Variants in SGCZ observed in about 807,000 individuals in gnomAD.
SGCZ encodes sarcoglycan zeta.
Under a neutral mutation model 41.3 loss-of-function variants are expected in SGCZ, and 40 were observed. That is an observed-to-expected ratio of 0.97 (90% CI 0.75 to 1.26). The LOEUF (loss-of-function observed/expected upper bound fraction) is 1.26, where lower values mean the gene tolerates loss of function less well. SGCZ is among the 50% of genes most tolerant of loss of function. The pLI is 0.00. For synonymous variants in SGCZ, 206 were observed against 137.5 expected (o/e 1.50, Z -3.49); for missense variants, 552 against 369.8 (o/e 1.49, Z -4.04).
chr8:14,165,989 A>G (rs1426716415), intron 4 of SGCZ, among the ~76,000 whole-genome samples: 3 of 152,152 alleles, frequency 2.0e-5, no homozygotes, highest in Non-Finnish European at 4.4e-5. Context: ...GCTGAGGAGC[A>G]TTCATCAAGA....
chr8:15,228,094 A>T (rs1018119618), intron 1 of SGCZ, among the ~76,000 whole-genome samples: 2 of 152,254 alleles, frequency 1.3e-5, no homozygotes, highest in African/African-American at 4.8e-5. Flanking sequence ...TTTTAAAGTC[A>T]GTTGTGTTTT....
chr8:14,956,579 C>G (rs1800799406), intron 1 of SGCZ, among the ~76,000 whole-genome samples: 1 of 151,758 alleles, frequency 6.6e-6, no homozygotes, highest in South Asian at 2.1e-4. Context: ...AAGAGACAGA[C>G]AAAAACACAA....
chr8:14,366,274 A>G (rs1441490370), intron 2 of SGCZ, among the ~76,000 whole-genome samples: 3 of 152,154 alleles, frequency 2.0e-5, no homozygotes, highest in Admixed American at 6.6e-5. Flanking sequence ...GAAACTTACA[A>G]TCAGAGCAGA....
intron 4 of SGCZ, among the ~76,000 whole-genome samples, chr8:14,225,940 C>T (rs894305548): frequency 3.3e-5 from 5 of 152,130 alleles, no homozygotes; most frequent in Admixed American, 2.0e-4. Flanking sequence ...AAGTTACACA[C>T]GTATCATAGA....
intron 1 of SGCZ, among the ~76,000 whole-genome samples, chr8:14,719,689 T>G (rs936079988): frequency 5.3e-5 from 8 of 152,074 alleles, no homozygotes; most frequent in Admixed American, 4.6e-4. Context: ...TTGCCCACTT[T>G]TTGATGGGGT....
intron 1 of SGCZ, among the ~76,000 whole-genome samples, chr8:14,944,551 A>G (rs756868019): frequency 2.6e-5 from 4 of 152,226 alleles, no homozygotes; most frequent in Non-Finnish European, 5.9e-5. Flanking sequence ...TTAAAAATGT[A>G]AATAAAATCC....
chr8:14,451,205 A>G (rs1048010055), intron 2 of SGCZ, among the ~76,000 whole-genome samples: 5 of 152,220 alleles, frequency 3.3e-5, no homozygotes, highest in Non-Finnish European at 5.9e-5. Flanking sequence ...TTGAAGAGTG[A>G]TGAAAACAAA....
intron 2 of SGCZ, among the ~76,000 whole-genome samples, chr8:14,518,543 T>G (rs1391573478): frequency 6.6e-6 from 1 of 152,150 alleles, no homozygotes; most frequent in Non-Finnish European, 1.5e-5. Context: ...ACATTAAAAT[T>G]TATTGTGAAA....
intron 4 of SGCZ, among the ~76,000 whole-genome samples, chr8:14,236,640 C>A (rs938064461): frequency 2.0e-5 from 3 of 151,510 alleles, no homozygotes; most frequent in African/African-American, 7.2e-5. Flanking sequence ...TTCTCTTTCC[C>A]TCTTTCTCAT....
chr8:14,600,195 C>A (rs754692728), intron 1 of SGCZ, among the ~76,000 whole-genome samples: 1 of 152,118 alleles, frequency 6.6e-6, no homozygotes, highest in Non-Finnish European at 1.5e-5. Context: ...TATTCTGCCT[C>A]CCTGCCTTGT....
intron 2 of SGCZ, among the ~76,000 whole-genome samples, chr8:14,417,470 G>C (rs1363046438): frequency 6.6e-6 from 1 of 151,072 alleles, no homozygotes; most frequent in East Asian, 1.9e-4. Flanking sequence ...TATTATTTTT[G>C]TTCATCAGTT....
At chr8:14,561,068 T>A (rs867104289) in intron 1 of SGCZ, among the ~76,000 whole-genome samples, 1 of 152,054 alleles carries the variant, frequency 6.6e-6, no homozygotes, top group African/African-American at 2.4e-5. Context: ...AATCTGAGTG[T>A]TTTTCAAGAT....
At chr8:14,144,742 G>A (rs1487429028) in intron 5 of SGCZ, among the ~76,000 whole-genome samples, 1 of 152,158 alleles carries the variant, frequency 6.6e-6, no homozygotes, top group South Asian at 2.1e-4. Context: ...GGCCAGAGGG[G>A]AGCCTATTGC....
At chr8:14,156,495 GTTCT>G (rs1226389463) in intron 5 of SGCZ, among the ~76,000 whole-genome samples, 2 of 151,868 alleles carry the variant, frequency 1.3e-5, no homozygotes, top group Non-Finnish European at 2.9e-5. Context: ...AAACAAAAAA[GTTCT>G]TTCTTTCTTC....
At chr8:14,260,247 C>T (rs934013011) in intron 3 of SGCZ, among the ~76,000 whole-genome samples, 2 of 151,880 alleles carry the variant, frequency 1.3e-5, no homozygotes, top group African/African-American at 4.8e-5. Flanking sequence ...AACAAATTTA[C>T]AAGCAAAAAA....
At chr8:15,083,651 C>A (rs1303079442) in intron 1 of SGCZ, among the ~76,000 whole-genome samples, 1 of 152,138 alleles carries the variant, frequency 6.6e-6, no homozygotes, top group Non-Finnish European at 1.5e-5. Context: ...CAGGCTCAAG[C>A]AATCCTCCCA....
chr8:14,717,653 A>C (rs1809736002), intron 1 of SGCZ, among the ~76,000 whole-genome samples: 1 of 152,118 alleles, frequency 6.6e-6, no homozygotes, highest in Non-Finnish European at 1.5e-5. Flanking sequence ...TTGCTGTGGT[A>C]GTCATTACAT....
intron 2 of SGCZ, among the ~76,000 whole-genome samples, chr8:14,439,523 A>G (rs1563329985): frequency 6.6e-6 from 1 of 151,810 alleles, no homozygotes; most frequent in Non-Finnish European, 1.5e-5. Context: ...GTACAGACCC[A>G]ACAATCTTTC....
Position 14,917,475 on chromosome 8 carries a change from G to T in SGCZ, c.39+320110C>A, listed in dbSNP as rs182739265. ...ATAAAATTACTGGGCAAGAGAGACT[G>T]TTTAAATTATTCCTAGTAATATAAC... On this transcript the variant is annotated intron_variant, in intron 1 of 7. Coordinates refer to ENST00000382080, the MANE Select transcript of SGCZ (RefSeq NM_139167.4). 5.9e-5 allele frequency among the ~76,000 whole-genome samples: 9 copies of T among 152,158 alleles called. No homozygotes were observed. The East Asian group carries it at 1.2e-3, about 20-fold the overall frequency.
Sources: gnomAD v4.1 joint callset for allele counts (sites outside exome capture counted in the v4.1 genomes callset) on GRCh38, gnomAD v4.1.1 for gene constraint, MANE v1.5 for transcripts, NCBI Gene and HGNC (gene_info 2026-07-23, HGNC 2026-07-21) for gene names.